The following FGD5 variants were observed in gnomAD, a reference collection of about 807,000 sequenced individuals.
FGD5 encodes the protein FYVE, RhoGEF and PH domain-containing protein 5.
A neutral mutation model predicts 133.4 loss-of-function variants in FGD5; 28 were observed. The ratio of observed to expected loss-of-function variants is 0.21; its 90% CI spans 0.16 to 0.29. FGD5 has a LOEUF of 0.29. FGD5 is among the 10% of genes least tolerant of loss of function. FGD5 has a pLI of 1.00. For synonymous variants in FGD5, 810 were observed against 776.5 expected, an observed-to-expected ratio of 1.04 and a Z score of -0.72; for missense variants, 1,858 against 1,895.2, an observed-to-expected ratio of 0.98 and a Z score of 0.36.
In FGD5 at chr3:14,923,990, GGC is replaced by G; in HGVS notation, c.3938-17_3938-16del. ...CACGCCTCTCACCTCCCTTCCATGT[GGC>G]TTCTTTCAGTTACAGAGCGGCCTGT... is the stretch of plus-strand genomic sequence containing the variant. On this transcript the variant is annotated splice_polypyrimidine_tract_variant and intron_variant, in intron 16 of 19. Transcript: ENST00000285046. The G allele has an allele frequency of 1.2e-6, 2 of 1,613,778 alleles. No individual in the cohort carries two copies. Among genetic ancestry groups the G allele is most frequent in the Middle Eastern group, 3.3e-4 (2 of 6,062 alleles).
intron 11 of FGD5, among the ~76,000 whole-genome samples, chr3:14,911,152 T>G (rs2038442320): frequency 6.6e-6 from 1 of 152,166 alleles, no homozygotes; most frequent in Non-Finnish European, 1.5e-5. Context: ...TGGCAAGATG[T>G]AGTTACCCAC....
At chr3:14,903,522 G>A (rs1035565158) in intron 9 of FGD5, among the ~76,000 whole-genome samples, 3 of 105,458 alleles carry the variant, frequency 2.8e-5, no homozygotes, top group African/African-American at 3.9e-5. Flanking sequence ...CCCCACAACA[G>A]TCCCCAGAGT....
intron 10 of FGD5, among the ~76,000 whole-genome samples, chr3:14,908,204 A>G (rs1398794048): frequency 6.6e-6 from 1 of 152,374 alleles, no homozygotes; most frequent in East Asian, 1.9e-4. Flanking sequence ...GAGACAAAGG[A>G]ATGAAAGTAC....
intron 8 of FGD5, 49 bp downstream of exon 8, chr3:14,900,502 C>T (rs566498895): frequency 6.3e-5 from 101 of 1,601,276 alleles, no homozygotes; most frequent in Non-Finnish European, 8.5e-5. Flanking sequence ...TGCTCTGCCT[C>T]CTTGCGCCAA....
Position 14,922,255 on chromosome 3 carries a change from C to A in FGD5, c.3670-156C>A. 1 of 1,159,866 alleles carries A rather than the reference C, an allele frequency of 8.6e-7. No individual in the cohort carries two copies. Among genetic ancestry groups the A allele is most frequent in the Non-Finnish European group, 1.2e-6 (1 of 825,082 alleles). The allele number at this position is 1,159,866 out of a possible 1,614,324, so 71.8% of individuals were successfully genotyped here. ...TGGCTGTTTCCCAACCAAGGGTGAG[C>A]ATCCTGGAGGGTGCAGGAGAGGCCT... On this transcript the variant is annotated intron_variant, in intron 14 of 19. Transcript: ENST00000285046. This position sits in a 1 kb window ranked among gnomAD's most constrained non-coding sequence, Gnocchi z 4.1.
intron 1 of FGD5, chr3:14,811,528 G>C (rs1445157973): frequency 6.6e-6 from 1 of 152,668 alleles, no homozygotes; most frequent in Non-Finnish European, 1.5e-5. Flanking sequence ...CAATGCCAAG[G>C]GGACGCTCCT....
intron 1 of FGD5, among the ~76,000 whole-genome samples, chr3:14,821,945 C>A (rs1260934562): frequency 2.0e-5 from 3 of 151,916 alleles, no homozygotes; most frequent in Non-Finnish European, 4.4e-5. Flanking sequence ...ACTAAAAATA[C>A]AAAAATTAGC....
At chr3:14,911,401 A>G (rs559710634) in intron 11 of FGD5, among the ~76,000 whole-genome samples, 5 of 152,224 alleles carry the variant, frequency 3.3e-5, no homozygotes, top group African/African-American at 9.6e-5. Context: ...GGCCTAGGGT[A>G]TATCTTTATC....
In FGD5 at chr3:14,819,329, CAA is replaced by C. The variant is rs1187312169; in HGVS notation, c.260_261del (p.Lys87SerfsTer16). 9 of 1,541,860 alleles carry C rather than the reference CAA, an allele frequency of 5.8e-6. No individual in the cohort carries two copies. The Admixed American group carries it at 1.0e-4, about 17-fold the overall frequency. On this transcript the variant is annotated frameshift_variant, in exon 1 of 20. Coordinates refer to ENST00000285046, the MANE Select transcript of FGD5 (RefSeq NM_152536.4). LOFTEE classifies it high-confidence loss of function. The surrounding 1 kb of genome is among the most constrained non-coding windows in gnomAD (Gnocchi z 4.1). ...CCAAGGACGAGGGCAGTGTGGGGAACAAAGCCCTGGTGTCTCCCGAGTCCTCT... is the reference window on the plus strand; with the variant it reads ...CCAAGGACGAGGGCAGTGTGGGGAACAGCCCTGGTGTCTCCCGAGTCCTCT... ...EPKDEGSVGN[K>X]ALVSPESSAE...
At position 14,917,368 on chromosome 3, in the gene FGD5, G is replaced by A; in HGVS notation, c.3489+36G>A. 1 of 1,580,966 alleles carries A rather than the reference G, an allele frequency of 6.3e-7. No homozygotes were observed. The highest frequency in any genetic ancestry group is 8.6e-7 in the Non-Finnish European group (1 of 1,158,630). On this transcript the variant is annotated intron_variant, in intron 12 of 19. Transcript: ENST00000285046. The surrounding 1 kb of genome is among the most constrained non-coding windows in gnomAD (Gnocchi z 4.1). ...GGTGCCAGGTACCCCCGGGTTGGGG[G>A]ACAGGGAGACCCCAGGGGAGAAGGG...
rs576032049 is a variant in FGD5, at chr3:14,933,058, C to G, written c.4353-73C>G. 1.8e-4 allele frequency: 278 copies of G among 1,537,072 alleles called. 9 individuals are homozygous for G. In the South Asian group the frequency reaches 2.6e-3, roughly 14 times the overall value. On this transcript the variant is annotated intron_variant, in intron 19 of 19. Coordinates refer to ENST00000285046, the MANE Select transcript of FGD5 (RefSeq NM_152536.4). ...ACTAAGAGGAATCTACTAGTCCAGT[C>G]TTTTCTAGGTTCTGTGACCAGAGTC...
At chr3:14,925,809 G>T (rs1156851703) in intron 17 of FGD5, among the ~76,000 whole-genome samples, 1 of 152,126 alleles carries the variant, frequency 6.6e-6, no homozygotes, top group Non-Finnish European at 1.5e-5. Context: ...AGGTTGAGAG[G>T]GAACCAAGAA....
chr3:14,867,942 G>A (rs56820299), intron 2 of FGD5, among the ~76,000 whole-genome samples: 1 of 151,842 alleles, frequency 6.6e-6, no homozygotes, highest in African/African-American at 2.4e-5. Flanking sequence ...CAGTGGTGAG[G>A]CCTACCCTTC....
At position 14,917,476 on chromosome 3, in the gene FGD5, G is replaced by A. The variant is rs1464039376; in HGVS notation, c.3489+144G>A. ...AACAGTGTTGGGCTACAGCAAGTTT[G>A]TGCTGTAAGTTGCCCAGGGAAAGGG... On this transcript the variant is annotated intron_variant, in intron 12 of 19. Coordinates refer to ENST00000285046, the MANE Select transcript of FGD5 (RefSeq NM_152536.4). This position sits in a 1 kb window ranked among gnomAD's most constrained non-coding sequence, Gnocchi z 4.1. 2 of 713,272 alleles carry A rather than the reference G, an allele frequency of 2.8e-6. No homozygotes were observed. The highest frequency in any genetic ancestry group is 4.7e-6 in the Non-Finnish European group (2 of 429,828). 44.2% of individuals were successfully genotyped at this position (713,272 alleles called of 1,614,324 possible).
intron 2 of FGD5, among the ~76,000 whole-genome samples, chr3:14,880,008 T>C (rs554268108): frequency 3.7e-4 from 56 of 152,304 alleles, no homozygotes; most frequent in Non-Finnish European, 1.5e-5. Flanking sequence ...GCAGGTGCCA[T>C]GCTGGGCATT....
At chr3:14,908,884 GAATA>G (rs1249661503) in intron 10 of FGD5, among the ~76,000 whole-genome samples, 1 of 151,122 alleles carries the variant, frequency 6.6e-6, no homozygotes, top group Non-Finnish European at 1.5e-5. Context: ...CCTCCCAAAA[GAATA>G]AATAAATAAA....
intron 1 of FGD5, among the ~76,000 whole-genome samples, chr3:14,841,758 G>T (rs2036925808): frequency 6.6e-6 from 1 of 152,084 alleles, no homozygotes; most frequent in South Asian, 2.1e-4. Context: ...GTGAGTGGGG[G>T]GTTCCTGCCC....
intron 5 of FGD5, 112 bp from the exon 6 acceptor site, chr3:14,897,827 A>G (rs1473934117): frequency 1.3e-6 from 2 of 1,489,116 alleles, no homozygotes; most frequent in African/African-American, 1.4e-5. Context: ...CAACTGTGCA[A>G]GGGTTGAGCT....
chr3:14,897,891 G>T (rs780972482), intron 5 of FGD5, 48 bp from the exon 6 acceptor site: 47 of 1,610,468 alleles, frequency 2.9e-5, no homozygotes, highest in Non-Finnish European at 3.7e-5. Context: ...ACCCTGCGTT[G>T]GTTACAAGGC....
Sources: gnomAD v4.1 joint callset for allele counts (sites outside exome capture counted in the v4.1 genomes callset) on GRCh38, gnomAD v4.1.1 for gene constraint, Gnocchi (gnomAD v3.1) non-coding constraint, MANE v1.5 for transcripts, NCBI Gene and HGNC (gene_info 2026-07-23, HGNC 2026-07-21) for gene names.